GUCY2F: variants seen among roughly 807,000 people sequenced by gnomAD.
The protein encoded by GUCY2F is guanylate cyclase 2F, retinal.
In GUCY2F, 61 loss-of-function variants were observed where a neutral mutation model predicts 73.1. The observed-to-expected ratio is 0.83, with a 90% CI of 0.68 to 1.03. The LOEUF is 1.03. Ranked by LOEUF, GUCY2F falls within the 50% of genes least tolerant of loss-of-function variation. The pLI is 0.00. For missense variants in GUCY2F, 912 were observed against 854.3 expected, an observed-to-expected ratio of 1.07 and a Z score of -0.84; for synonymous variants, 331 against 307.8, an observed-to-expected ratio of 1.08 and a Z score of -0.79.
rs190350198 is a variant in GUCY2F at position 109,403,659 on chromosome X, C to T, written c.2125+669G>A. Among the ~76,000 whole-genome samples the T allele has an allele frequency of 2.1e-3, 240 of 112,215 alleles. 1 individual carries two copies. The highest frequency in any genetic ancestry group is 7.3e-3 in the African/African-American group (224 of 30,890). On this transcript the variant is annotated intron_variant, in intron 10 of 19. Coordinates refer to ENST00000218006, the MANE Select transcript of GUCY2F (RefSeq NM_001522.3). ...TTTAAAAACCATATATAACATTTCT[C>T]TTTCCAATAAAACCCCCAACTTTTC... is the stretch of plus-strand genomic sequence containing the variant.
intron 3 of GUCY2F, among the ~76,000 whole-genome samples, chrX:109,463,604 AC>A (rs1224141293): frequency 1.8e-5 from 2 of 109,870 alleles, no homozygotes; most frequent in Non-Finnish European, 3.8e-5. Context: ...CGCCCGGCTA[AC>A]TTTTTGTAGT....
chrX:109,410,320 C>T (rs182256161), intron 8 of GUCY2F, among the ~76,000 whole-genome samples: 2 of 112,161 alleles, frequency 1.8e-5, no homozygotes, highest in Non-Finnish European at 3.8e-5. Flanking sequence ...TGGAATGGAG[C>T]TCAGTGGCTC....
chrX:109,407,750 G>A (rs778456809), intron 9 of GUCY2F, among the ~76,000 whole-genome samples: 11 of 113,464 alleles, frequency 9.7e-5, no homozygotes, highest in South Asian at 3.6e-4. Flanking sequence ...TTCAGAGGGC[G>A]GAAGCCCCAA....
At chrX:109,451,159 C>T (rs1932126490) in intron 5 of GUCY2F, among the ~76,000 whole-genome samples, 1 of 111,543 alleles carries the variant, frequency 9.0e-6, no homozygotes, top group South Asian at 3.7e-4. Flanking sequence ...CCCAATTATT[C>T]CAGTATGGAG....
At chrX:109,389,329 G>C (rs1930507687) in intron 14 of GUCY2F, among the ~76,000 whole-genome samples, 1 of 112,014 alleles carries the variant, frequency 8.9e-6, no homozygotes, top group Non-Finnish European at 1.9e-5. Flanking sequence ...CCCCACAGAA[G>C]TGTGCTCACT....
intron 7 of GUCY2F, among the ~76,000 whole-genome samples, chrX:109,431,209 TA>T (rs1238960292): frequency 1.8e-5 from 2 of 111,409 alleles, no homozygotes; most frequent in Admixed American, 9.5e-5. Flanking sequence ...CAAATTGTTT[TA>T]AAAAAAATAT....
At chrX:109,454,338 T>C (rs916529154) in intron 3 of GUCY2F, among the ~76,000 whole-genome samples, 2 of 111,671 alleles carry the variant, frequency 1.8e-5, no homozygotes, top group South Asian at 7.5e-4. Context: ...TATCCTGTCT[T>C]AGTTCAAAAT....
chrX:109,454,728 G>A (rs1249979809), intron 3 of GUCY2F, among the ~76,000 whole-genome samples: 1 of 111,389 alleles, frequency 9.0e-6, no homozygotes, highest in African/African-American at 3.3e-5. Flanking sequence ...TTCCAAAAAG[G>A]TAGAGAGGAT....
intron 11 of GUCY2F, among the ~76,000 whole-genome samples, chrX:109,396,831 T>C (rs901196901): frequency 3.6e-5 from 4 of 112,419 alleles, no homozygotes; most frequent in African/African-American, 1.3e-4. Context: ...CATCGTGCTC[T>C]CAGTACAACA....
intron 7 of GUCY2F, among the ~76,000 whole-genome samples, chrX:109,433,207 G>C (rs781636172): frequency 8.9e-6 from 1 of 112,292 alleles, no homozygotes; most frequent in Non-Finnish European, 1.9e-5. Flanking sequence ...CCTAGAGCCA[G>C]CCCTATTGCA....
At chrX:109,455,589 A>G (rs1318663675) in intron 3 of GUCY2F, among the ~76,000 whole-genome samples, 1 of 111,450 alleles carries the variant, frequency 9.0e-6, no homozygotes, top group Non-Finnish European at 1.9e-5. Context: ...GGTATAGTTC[A>G]GGGACAAAAT....
At chrX:109,480,917 G>A (rs1193856577) in intron 1 of GUCY2F, among the ~76,000 whole-genome samples, 1 of 107,564 alleles carries the variant, frequency 9.3e-6, no homozygotes, top group Non-Finnish European at 1.9e-5. Flanking sequence ...AAAAAAGAAG[G>A]GAAGGAAGGA....
At chrX:109,423,031 C>A (rs1931403445) in intron 8 of GUCY2F, among the ~76,000 whole-genome samples, 1 of 112,195 alleles carries the variant, frequency 8.9e-6, no homozygotes, top group Non-Finnish European at 1.9e-5. Flanking sequence ...AAAATTAATG[C>A]AAGTTAAACA....
At position 109,426,631 on chromosome X, in the gene GUCY2F, C is replaced by T. The variant is rs377733461; in HGVS notation, c.1791+3676G>A. ...GTGTCGATCTCCTGACCTTGTGATCCGCCCGCCTCGGCCTCCCAAAGTGCT... is the reference window on the plus strand; with the variant it reads ...GTGTCGATCTCCTGACCTTGTGATCTGCCCGCCTCGGCCTCCCAAAGTGCT... On this transcript the variant is annotated intron_variant, in intron 8 of 19. Coordinates refer to ENST00000218006, the MANE Select transcript of GUCY2F (RefSeq NM_001522.3). Among the ~76,000 whole-genome samples, 34 of 111,993 alleles carry T rather than the reference C, an allele frequency of 3.0e-4. No individual in the cohort carries two copies. The East Asian group carries it at 3.4e-3, about 11-fold the overall frequency.
Position 109,385,287 on chromosome X carries a change from A to G in GUCY2F, c.2957-5T>C, listed in dbSNP as rs1930410508. The G allele has an allele frequency of 9.2e-7, 1 of 1,081,203 alleles. No individual in the cohort carries two copies. Among genetic ancestry groups the G allele is most frequent in the Non-Finnish European group, 1.3e-6 (1 of 780,362 alleles). 89.1% of individuals were successfully genotyped at this position (1,081,203 alleles called of 1,213,427 possible). A position where few individuals can be genotyped will look rare whatever the true frequency, so the allele number is the denominator to read the frequency against. On this transcript the variant is annotated splice_polypyrimidine_tract_variant and splice_region_variant and intron_variant, in intron 15 of 19. Transcript: ENST00000218006. ...CCACTCCAGCAACAACCGGCCCTAT[A>G]GAGTATCAGGGGGTTGGAATTACAG... is the stretch of plus-strand genomic sequence containing the variant.
chrX:109,428,951 T>C (rs1349946631), intron 8 of GUCY2F, among the ~76,000 whole-genome samples: 1 of 112,265 alleles, frequency 8.9e-6, no homozygotes, highest in Non-Finnish European at 1.9e-5. Flanking sequence ...CTTGGGTCAA[T>C]ACTTCTAGTG....
At chrX:109,480,686 G>C (rs1932759203) in intron 1 of GUCY2F, among the ~76,000 whole-genome samples, 1 of 110,773 alleles carries the variant, frequency 9.0e-6, no homozygotes, top group Admixed American at 9.7e-5. Context: ...CTCAGTTTTT[G>C]TTGCTCTTTT....
intron 7 of GUCY2F, among the ~76,000 whole-genome samples, chrX:109,440,719 A>G (rs1337065675): frequency 8.9e-6 from 1 of 111,978 alleles, no homozygotes; most frequent in Non-Finnish European, 1.9e-5. Context: ...CATCTCTCTG[A>G]TGCAAGATTT....
chrX:109,393,555 C>T (rs1221289922), intron 12 of GUCY2F, among the ~76,000 whole-genome samples: 1 of 111,275 alleles, frequency 9.0e-6, no homozygotes, highest in Non-Finnish European at 1.9e-5. Context: ...TTACAGAGGG[C>T]TCAAGATCCA....
Sources: gnomAD v4.1 joint callset for allele counts (sites outside exome capture counted in the v4.1 genomes callset) on GRCh38, gnomAD v4.1.1 for gene constraint, MANE v1.5 for transcripts, NCBI Gene and HGNC (gene_info 2026-07-23, HGNC 2026-07-21) for gene names.